The following NAV2 variants were observed in gnomAD, a reference collection of about 807,000 sequenced individuals.
The protein encoded by NAV2 is helicase, APC down-regulated 1.
Under a neutral mutation model 223.2 loss-of-function variants are expected in NAV2, and 54 were observed. The observed-to-expected ratio is 0.24, with a 90% confidence interval of 0.19 to 0.30. The LOEUF is 0.30. Ranked by LOEUF, NAV2 falls within the 10% of genes least tolerant of loss-of-function variation. The pLI is 1.00. For synonymous variants in NAV2, 1,279 were observed against 1,239.3 expected (o/e 1.03, Z -0.67); for missense variants, 2,806 against 3,147.5 (o/e 0.89, Z 2.60).
At chr11:20,112,263 A>C (rs904588858) in intron 36 of NAV2, among the ~76,000 whole-genome samples, 8 of 152,140 alleles carry the variant, frequency 5.3e-5, no homozygotes, top group Non-Finnish European at 8.8e-5. Context: ...CTGCTCACAC[A>C]ATAATTGCTT....
chr11:20,012,148 G>A (rs1478354929), intron 11 of NAV2, among the ~76,000 whole-genome samples: 1 of 152,196 alleles, frequency 6.6e-6, no homozygotes, highest in Non-Finnish European at 1.5e-5. Context: ...TGGAGTTTCT[G>A]TCTAGGTCCA....
At chr11:19,504,598 C>A (rs536056987) in intron 1 of NAV2, among the ~76,000 whole-genome samples, 1 of 152,148 alleles carries the variant, frequency 6.6e-6, no homozygotes, top group Admixed American at 6.5e-5. Flanking sequence ...CTGAGAGATA[C>A]GCTTCAGGGA....
chr11:19,818,432 T>C (rs1230800369), intron 1 of NAV2, among the ~76,000 whole-genome samples: 1 of 151,970 alleles, frequency 6.6e-6, no homozygotes, highest in Non-Finnish European at 1.5e-5. Flanking sequence ...CATTATTATA[T>C]AGTATTTCCC....
Position 19,528,886 on chromosome 11 carries a change from T to C in NAV2, c.75+177859T>C, listed in dbSNP as rs7130158. Among the ~76,000 whole-genome samples, 923 of 132,902 alleles carry C rather than the reference T, an allele frequency of 6.9e-3. 8 individuals are homozygous for C. The highest frequency in any genetic ancestry group is 0.025 in the African/African-American group (894 of 35,182). The allele number at this position is 132,902 out of a possible 152,430, so 87.2% of individuals were successfully genotyped here. ...TGGAGTTTGCAGTTAGCTGAGATCA[T>C]GCCACTGCACTCCAGCCCGGTGACA... On this transcript the variant is annotated intron_variant, in intron 1 of 37. Coordinates refer to the NAV2 transcript ENST00000360655.
At chr11:19,899,698 T>A (rs1481559786) in intron 6 of NAV2, among the ~76,000 whole-genome samples, 1 of 152,176 alleles carries the variant, frequency 6.6e-6, no homozygotes, top group African/African-American at 2.4e-5. Context: ...AAGATGAACA[T>A]AGCTGGGAAG....
chr11:19,840,069 C>T (rs1011373017), intron 2 of NAV2, among the ~76,000 whole-genome samples: 2 of 152,112 alleles, frequency 1.3e-5, no homozygotes, highest in Non-Finnish European at 2.9e-5. Flanking sequence ...CATAGGAATT[C>T]CTGGGAATTT....
At chr11:19,460,836 A>G (rs1183708037) in intron 1 of NAV2, among the ~76,000 whole-genome samples, 1 of 152,146 alleles carries the variant, frequency 6.6e-6, no homozygotes, top group African/African-American at 2.4e-5. Context: ...AACTTCCTAG[A>G]TAAGTAAAGA....
upstream of NAV2, chr11:19,712,428 C>G (rs1178116971): frequency 1.3e-5 from 2 of 152,212 alleles, no homozygotes; most frequent in Non-Finnish European, 1.5e-5. Flanking sequence ...CGGCCCTGCC[C>G]AAGCCAGATG....
chr11:20,049,502 A>C (rs1341717445), intron 15 of NAV2, among the ~76,000 whole-genome samples: 1 of 151,782 alleles, frequency 6.6e-6, no homozygotes, highest in Non-Finnish European at 1.5e-5. Context: ...TTTGTTCATC[A>C]ACAGCTTCTT....
intron 5 of NAV2, among the ~76,000 whole-genome samples, chr11:19,891,761 C>A (rs1485740253): frequency 2.0e-5 from 3 of 152,140 alleles, no homozygotes; most frequent in African/African-American, 4.8e-5. Context: ...ATAAATTGTC[C>A]TTTTCTTGAT....
At chr11:19,969,585 GT>G (rs900093180) in intron 10 of NAV2, among the ~76,000 whole-genome samples, 1 of 151,906 alleles carries the variant, frequency 6.6e-6, no homozygotes, top group Non-Finnish European at 1.5e-5. Flanking sequence ...AAACTATGGG[GT>G]TTTTTTCCTA....
At chr11:19,813,751 G>T (rs544554064) in intron 1 of NAV2, among the ~76,000 whole-genome samples, 2 of 152,348 alleles carry the variant, frequency 1.3e-5, no homozygotes, top group South Asian at 4.1e-4. Context: ...GACGTTGACT[G>T]CTGAGGACTG....
chr11:20,106,155 G>GTGTGTGTATATA (rs369895690), intron 35 of NAV2, among the ~76,000 whole-genome samples: 5 of 31,498 alleles, frequency 1.6e-4, no homozygotes, highest in African/African-American at 3.3e-4. Context: ...GTGTGTGTGT[G>GTGTGTGTATATA]TATATATATA....
intron 1 of NAV2, among the ~76,000 whole-genome samples, chr11:19,588,786 G>T (rs573980087): frequency 6.6e-6 from 1 of 152,314 alleles, no homozygotes; most frequent in South Asian, 2.1e-4. Flanking sequence ...AAAAAGAAAG[G>T]AGTCAGAGCA....
chr11:19,714,178 T>G, intron 1 of NAV2: 2 of 708,912 alleles, frequency 2.8e-6, no homozygotes, highest in Non-Finnish European at 5.0e-6. Flanking sequence ...TAAGAGCTCT[T>G]CGAGACCTGG....
intron 11 of NAV2, among the ~76,000 whole-genome samples, chr11:20,021,795 C>T (rs1349641158): frequency 1.3e-5 from 2 of 152,204 alleles, no homozygotes; most frequent in African/African-American, 4.8e-5. Context: ...GTTGGGACTC[C>T]TTCGAGATTA....
At chr11:19,983,727 T>G (rs1409184275) in intron 10 of NAV2, among the ~76,000 whole-genome samples, 1 of 152,206 alleles carries the variant, frequency 6.6e-6, no homozygotes, top group Middle Eastern at 3.2e-3. Context: ...GTAATATTAT[T>G]GCCTATGATT....
chr11:19,915,978 C>A (rs754842330), intron 6 of NAV2, among the ~76,000 whole-genome samples: 2 of 152,204 alleles, frequency 1.3e-5, no homozygotes, highest in Non-Finnish European at 2.9e-5. Context: ...ATTGGACAAG[C>A]TACTTAGTCT....
chr11:19,877,396 T>C (rs1482735126), intron 4 of NAV2, among the ~76,000 whole-genome samples: 1 of 152,012 alleles, frequency 6.6e-6, no homozygotes, highest in African/African-American at 2.4e-5. Flanking sequence ...GAATTCAGTT[T>C]TGAGGGGAAA....
Sources: gnomAD v4.1 joint callset for allele counts (sites outside exome capture counted in the v4.1 genomes callset) on GRCh38, gnomAD v4.1.1 for gene constraint, MANE v1.5 for transcripts, NCBI Gene and HGNC (gene_info 2026-07-23, HGNC 2026-07-21) for gene names.